CNBD1: variants seen among roughly 807,000 people sequenced by gnomAD.
CNBD1 encodes cyclic nucleotide-binding domain-containing protein 1.
Under a neutral mutation model 54.4 loss-of-function variants are expected in CNBD1, and 71 were observed. The ratio of observed to expected loss-of-function variants is 1.30; its 90% CI spans 1.08 to 1.59. CNBD1 has a LOEUF of 1.59. Ranked by LOEUF, CNBD1 falls within the 40% of genes most tolerant of loss-of-function variation. The probability of loss-of-function intolerance (pLI) is 0.00; values close to 1 mark genes in which losing one functional copy is unlikely to be tolerated. For synonymous variants in CNBD1, 182 were observed against 170.7 expected (o/e 1.07, Z -0.51); for missense variants, 659 against 518.0 (o/e 1.27, Z -2.64).
At chr8:87,208,771 T>A (rs1209832977) in intron 5 of CNBD1, among the ~76,000 whole-genome samples, 5 of 152,112 alleles carry the variant, frequency 3.3e-5, no homozygotes, top group Non-Finnish European at 7.4e-5. Context: ...TGTCTTACAG[T>A]ATTATTTCTC....
Position 86,906,450 on chromosome 8 carries a change from T to C in CNBD1, c.272+1256T>C, listed in dbSNP as rs148031300. On this transcript the variant is annotated intron_variant, in intron 3 of 10. Transcript: ENST00000518476. Reference sequence around the variant, plus strand: ...ATTCAAATATAACTTTTTCCAAGACTGTATCTATCATGTAGATCAAACTAC... The same window carrying C: ...ATTCAAATATAACTTTTTCCAAGACCGTATCTATCATGTAGATCAAACTAC... Among the ~76,000 whole-genome samples the C allele has an allele frequency of 7.3e-3, 1,112 of 151,468 alleles. 16 individuals are homozygous for C. Among genetic ancestry groups the C allele is most frequent in the African/African-American group, 0.025 (1,021 of 41,104 alleles).
intron 8 of CNBD1, among the ~76,000 whole-genome samples, chr8:87,302,871 A>G (rs1219083688): frequency 5.9e-5 from 9 of 152,176 alleles, no homozygotes; most frequent in East Asian, 1.9e-4. Context: ...AATCATGAGT[A>G]AACTCCCAAT....
chr8:87,128,008 G>A (rs1194887490), intron 4 of CNBD1, among the ~76,000 whole-genome samples: 2 of 152,102 alleles, frequency 1.3e-5, no homozygotes, highest in African/African-American at 2.4e-5. Context: ...TAGCAGAATG[G>A]CACGATAAAG....
At chr8:87,313,260 G>T (rs1711599531) in intron 8 of CNBD1, among the ~76,000 whole-genome samples, 1 of 151,842 alleles carries the variant, frequency 6.6e-6, no homozygotes, top group African/African-American at 2.4e-5. Flanking sequence ...AGAATTGCAG[G>T]GACTTATTTG....
chr8:87,206,335 A>G (rs530967283), intron 5 of CNBD1, among the ~76,000 whole-genome samples, 197 bp downstream of exon 5: 1 of 152,312 alleles, frequency 6.6e-6, no homozygotes, highest in African/African-American at 2.4e-5. Context: ...CTTAGAGTTT[A>G]AGATATATAC....
chr8:87,294,600 G>A (rs1435934218), intron 8 of CNBD1, among the ~76,000 whole-genome samples: 5 of 152,154 alleles, frequency 3.3e-5, no homozygotes, highest in Admixed American at 3.3e-4. Context: ...CAGAGCCCAA[G>A]CATAAAGATA....
intron 8 of CNBD1, among the ~76,000 whole-genome samples, chr8:87,288,102 C>T (rs1002254785): frequency 4.6e-5 from 7 of 151,998 alleles, no homozygotes; most frequent in Non-Finnish European, 5.9e-5. Context: ...ATGAGCATCC[C>T]AGAACCAGTT....
chr8:87,117,731 G>A (rs1268559733), intron 4 of CNBD1, among the ~76,000 whole-genome samples: 1 of 152,066 alleles, frequency 6.6e-6, no homozygotes, highest in African/African-American at 2.4e-5. Flanking sequence ...TGGACAGCTA[G>A]CTAAAAGAAT....
intron 4 of CNBD1, among the ~76,000 whole-genome samples, chr8:87,154,942 A>G (rs1021353164): frequency 6.6e-6 from 1 of 152,086 alleles, no homozygotes; most frequent in African/African-American, 2.4e-5. Flanking sequence ...TATGAAAGGT[A>G]AATTTAGGAG....
Position 87,213,539 on chromosome 8 carries a change from C to G in CNBD1, c.577+7401C>G, listed in dbSNP as rs529949868. 9.2e-5 allele frequency among the ~76,000 whole-genome samples: 14 copies of G among 152,214 alleles called. No homozygotes were observed. In the South Asian group the frequency reaches 1.9e-3, roughly 20 times the overall value. ...GAAACCCGTTATGAAACCATCAGAT[C>G]TCATGAGACTTATTCACTACCATGA... On this transcript the variant is annotated intron_variant, in intron 5 of 10. Transcript: ENST00000518476.
At chr8:87,296,354 A>G (rs1204362512) in intron 8 of CNBD1, among the ~76,000 whole-genome samples, 2 of 152,162 alleles carry the variant, frequency 1.3e-5, no homozygotes, top group African/African-American at 2.4e-5. Context: ...ACAAAGATAG[A>G]GCCCAAAATA....
intron 4 of CNBD1, among the ~76,000 whole-genome samples, chr8:87,157,494 G>A (rs1812765304): frequency 6.6e-6 from 1 of 152,154 alleles, no homozygotes; most frequent in Non-Finnish European, 1.5e-5. Flanking sequence ...CCTGTTACTT[G>A]GAGTCGTTGA....
chr8:86,979,494 G>C (rs1046591701), intron 4 of CNBD1, among the ~76,000 whole-genome samples: 3 of 151,354 alleles, frequency 2.0e-5, no homozygotes, highest in African/African-American at 2.4e-5. Context: ...CACAGGCTGA[G>C]GTGGGACTTT....
rs965606095 is a variant in CNBD1, at chr8:87,382,673, A to G, written c.*46A>G. The G allele has an allele frequency of 7.6e-5, 106 of 1,400,872 alleles. No homozygotes were observed. Among genetic ancestry groups the G allele is most frequent in the Middle Eastern group, 1.8e-4 (1 of 5,612 alleles). 86.8% of individuals were successfully genotyped at this position (1,400,872 alleles called of 1,614,324 possible). On this transcript the variant is annotated 3_prime_UTR_variant, in exon 11 of 11. Transcript: ENST00000518476. ...AACATTAATTAAGAAAGTATTGACT[A>G]AATAATGGAATAATTGCATTCTGGA...
chr8:86,937,644 G>A (rs1392695782), intron 3 of CNBD1, among the ~76,000 whole-genome samples: 4 of 152,084 alleles, frequency 2.6e-5, no homozygotes, highest in African/African-American at 4.8e-5. Context: ...TGACCTCTAC[G>A]TTGGCCCCTT....
intron 6 of CNBD1, among the ~76,000 whole-genome samples, chr8:87,266,683 C>T (rs1808265876): frequency 6.6e-6 from 1 of 151,708 alleles, no homozygotes; most frequent in Admixed American, 6.6e-5. Context: ...AACTTCCGAC[C>T]TCAGGTGATC....
chr8:87,113,227 G>A (rs1044336137), intron 4 of CNBD1, among the ~76,000 whole-genome samples: 2 of 152,182 alleles, frequency 1.3e-5, no homozygotes, highest in Non-Finnish European at 2.9e-5. Context: ...GCAGTAGGTA[G>A]GGGATGCATA....
At chr8:87,139,419 A>C (rs887634406) in intron 4 of CNBD1, among the ~76,000 whole-genome samples, 3 of 152,176 alleles carry the variant, frequency 2.0e-5, no homozygotes, top group Admixed American at 6.6e-5. Flanking sequence ...ACAAATCTTC[A>C]GACTTATTTA....
intron 8 of CNBD1, among the ~76,000 whole-genome samples, chr8:87,333,901 G>C (rs1386934257): frequency 6.6e-6 from 1 of 152,148 alleles, no homozygotes; most frequent in Non-Finnish European, 1.5e-5. Context: ...TTAGGGAGGA[G>C]TCCCTCCTTT....
Sources: allele counts gnomAD v4.1 joint callset (sites outside exome capture counted in the v4.1 genomes callset), GRCh38; gene constraint gnomAD v4.1.1; transcripts MANE v1.5; gene names NCBI Gene and HGNC (gene_info 2026-07-23, HGNC 2026-07-21).